The following MLLT10 variants were observed in gnomAD, a reference collection of about 807,000 sequenced individuals.
MLLT10 encodes the protein protein AF-10.
In MLLT10, 30 loss-of-function variants were observed where a neutral mutation model predicts 129.1. The ratio of observed to expected loss-of-function variants is 0.23; its 90% confidence interval spans 0.17 to 0.32. The LOEUF is 0.32. Among genes scored for constraint, MLLT10 ranks in the 10% least tolerant of loss-of-function variants. The pLI is 1.00. For synonymous variants in MLLT10, 490 were observed against 446.4 expected, an observed-to-expected ratio of 1.10 and a Z score of -1.23; for missense variants, 1,119 against 1,268.3, an observed-to-expected ratio of 0.88 and a Z score of 1.79.
intron 3 of MLLT10, among the ~76,000 whole-genome samples, chr10:21,580,990 G>A (rs2041378221): frequency 1.3e-5 from 2 of 151,316 alleles, no homozygotes; most frequent in African/African-American, 2.4e-5. Flanking sequence ...AGAATTACAG[G>A]CGTGAGACAC....
In MLLT10 at chr10:21,669,283, A is replaced by C. The variant is rs1451319530; in HGVS notation, c.796-1166A>C. Among the ~76,000 whole-genome samples the C allele has an allele frequency of 2.0e-5, 3 of 152,150 alleles. No individual in the cohort carries two copies. In the East Asian group the frequency reaches 5.8e-4, roughly 29 times the overall value. On this transcript the variant is annotated intron_variant, in intron 9 of 22. Coordinates refer to ENST00000307729, the MANE Select transcript of MLLT10 (RefSeq NM_001195626.3). ...GGCAACAGGGTGACAGAAAAGCAGC[A>C]AGATTTGGTTTTCCAAACACTTAAT...
At chr10:21,717,725 C>CTCCTCCTCCTCT (rs1564711282) in intron 14 of MLLT10, among the ~76,000 whole-genome samples, 5 of 116,794 alleles carry the variant, frequency 4.3e-5, no homozygotes, top group Admixed American at 1.7e-4. Flanking sequence ...CTTCCTCCTC[C>CTCCTCCTCCTCT]TCCTCCTCCT....
intron 3 of MLLT10, among the ~76,000 whole-genome samples, chr10:21,539,280 T>C (rs2130894092): frequency 6.6e-6 from 1 of 152,294 alleles, no homozygotes; most frequent in South Asian, 2.1e-4. Context: ...TTAGGTTTTG[T>C]GTAATGGGAA....
chr10:21,715,462 A>G (rs1337345884), intron 14 of MLLT10, among the ~76,000 whole-genome samples: 1 of 152,206 alleles, frequency 6.6e-6, no homozygotes, highest in African/African-American at 2.4e-5. Flanking sequence ...AGAGGGTGAA[A>G]GGATAAATGA....
At chr10:21,695,172 C>T (rs962220397) in intron 13 of MLLT10, among the ~76,000 whole-genome samples, 12 of 150,492 alleles carry the variant, frequency 8.0e-5, no homozygotes, top group Non-Finnish European at 1.3e-4. Flanking sequence ...CGGGTTCAAG[C>T]GATTCTCGTG....
chr10:21,585,724 T>C (rs1312826696), intron 3 of MLLT10, among the ~76,000 whole-genome samples: 1 of 152,164 alleles, frequency 6.6e-6, no homozygotes, highest in Non-Finnish European at 1.5e-5. Context: ...CATCTTTGTG[T>C]TTTTATTAAT....
chr10:21,633,949 A>T (rs528622831), intron 8 of MLLT10, among the ~76,000 whole-genome samples: 2 of 152,316 alleles, frequency 1.3e-5, no homozygotes, highest in South Asian at 4.1e-4. Flanking sequence ...CGTTGCATTT[A>T]GTTGTTGTCT....
At chr10:21,604,404 A>T (rs1358000876) in intron 5 of MLLT10, among the ~76,000 whole-genome samples, 1 of 152,070 alleles carries the variant, frequency 6.6e-6, no homozygotes, top group Admixed American at 6.6e-5. Context: ...AGCCTGGCTA[A>T]CACAGTGAAA....
At chr10:21,740,279 T>TATTG in intron 22 of MLLT10, 43 bp downstream of exon 22, 2 of 1,580,760 alleles carry the variant, frequency 1.3e-6, no homozygotes, top group South Asian at 2.2e-5. Context: ...ACAAGAACTG[T>TATTG]ATTGATTAAT....
chr10:21,543,974 C>T (rs1431918786), intron 3 of MLLT10, among the ~76,000 whole-genome samples: 2 of 152,092 alleles, frequency 1.3e-5, no homozygotes, highest in Admixed American at 1.3e-4. Context: ...TTCTTTCTGC[C>T]GACTTACTGT....
intron 8 of MLLT10, among the ~76,000 whole-genome samples, chr10:21,623,249 G>C (rs1439586422): frequency 1.3e-5 from 2 of 152,200 alleles, no homozygotes; most frequent in East Asian, 1.9e-4. Flanking sequence ...CCCCTCAACA[G>C]AGGTACCGGG....
chr10:21,648,392 T>C (rs2048715171), intron 8 of MLLT10, among the ~76,000 whole-genome samples: 1 of 152,206 alleles, frequency 6.6e-6, no homozygotes, highest in Non-Finnish European at 1.5e-5. Flanking sequence ...TTGTATGTTT[T>C]CACACATGTA....
chr10:21,620,291 G>A (rs1170423069), intron 8 of MLLT10, among the ~76,000 whole-genome samples: 1 of 152,060 alleles, frequency 6.6e-6, no homozygotes, highest in African/African-American at 2.4e-5. Context: ...TGTTTTTAGT[G>A]TTGCATTGAA....
intron 8 of MLLT10, among the ~76,000 whole-genome samples, chr10:21,632,370 A>G (rs2099207138): frequency 6.6e-6 from 1 of 152,188 alleles, no homozygotes; most frequent in African/African-American, 2.4e-5. Flanking sequence ...TATTCCAGCT[A>G]TCTAATTATA....
At chr10:21,552,945 T>A (rs2037327808) in intron 3 of MLLT10, among the ~76,000 whole-genome samples, 1 of 151,960 alleles carries the variant, frequency 6.6e-6, no homozygotes, top group South Asian at 2.1e-4. Flanking sequence ...ACCAGGGACC[T>A]TCTTCTGGGT....
rs374399722 is a variant in MLLT10, at chr10:21,687,181, A to AG, written c.1699+4926dup. Among the ~76,000 whole-genome samples, 8 of 152,308 alleles carry AG rather than the reference A, an allele frequency of 5.3e-5. No individual in the cohort carries two copies. The East Asian group carries it at 1.5e-3, about 29-fold the overall frequency. On this transcript the variant is annotated intron_variant, in intron 13 of 22. Coordinates refer to ENST00000307729, the MANE Select transcript of MLLT10 (RefSeq NM_001195626.3). ...GGTAATGTTAACCAGTTATTCATAT[A>AG]GGTGCTGTAGGATGAGTATACGTAT...
At chr10:21,611,161 T>A (rs1341052920) in intron 5 of MLLT10, among the ~76,000 whole-genome samples, 1 of 147,682 alleles carries the variant, frequency 6.8e-6, no homozygotes, top group Non-Finnish European at 1.5e-5. Context: ...CATGCCCGGC[T>A]ATTTTTTTTT....
At chr10:21,628,431 CTTTTTTT>C (rs774410121) in intron 8 of MLLT10, among the ~76,000 whole-genome samples, 1 of 116,000 alleles carries the variant, frequency 8.6e-6, no homozygotes, top group African/African-American at 3.5e-5. Flanking sequence ...GATGCTCTCT[CTTTTTTT>C]TTTTTTTTTT....
intron 3 of MLLT10, chr10:21,556,758 C>T (rs1178132601): frequency 6.2e-7 from 1 of 1,607,836 alleles, no homozygotes; most frequent in South Asian, 1.1e-5. Flanking sequence ...AACGTTCCTC[C>T]AGTTTCTGGT....
Sources: gnomAD v4.1 joint callset for allele counts (sites outside exome capture counted in the v4.1 genomes callset) on GRCh38, gnomAD v4.1.1 for gene constraint, MANE v1.5 for transcripts, NCBI Gene and HGNC (gene_info 2026-07-23, HGNC 2026-07-21) for gene names.